SOX5: variants seen among roughly 807,000 people sequenced by gnomAD.
The protein encoded by SOX5 is SRY-box transcription factor 5.
Under a neutral mutation model 92.0 loss-of-function variants are expected in SOX5, and 9 were observed. The observed-to-expected ratio is 0.10, with a 90% CI of 0.06 to 0.17. The LOEUF (loss-of-function observed/expected upper bound fraction) is 0.17, where lower values mean the gene tolerates loss of function less well. Among genes scored for constraint, SOX5 ranks in the 10% least tolerant of loss-of-function variants. SOX5 has a pLI of 1.00. For missense variants in SOX5, 642 were observed against 944.5 expected, an observed-to-expected ratio of 0.68 and a Z score of 4.20; for synonymous variants, 344 against 336.3, an observed-to-expected ratio of 1.02 and a Z score of -0.25.
At chr12:24,405,962 G>A (rs1962846839) in intron 1 of SOX5, among the ~76,000 whole-genome samples, 2 of 152,192 alleles carry the variant, frequency 1.3e-5, no homozygotes, top group South Asian at 2.1e-4. Flanking sequence ...GGTCTTTAGA[G>A]AGGCTTCAGA....
intron 4 of SOX5, among the ~76,000 whole-genome samples, chr12:24,000,545 T>C (rs1951500160): frequency 6.6e-6 from 1 of 152,104 alleles, no homozygotes; most frequent in Admixed American, 6.6e-5. Context: ...AATAATTAAC[T>C]GTGTTTGTGT....
intron 2 of SOX5, among the ~76,000 whole-genome samples, chr12:24,287,156 C>A (rs1945972375): frequency 6.6e-6 from 1 of 152,092 alleles, no homozygotes; most frequent in South Asian, 2.1e-4. Flanking sequence ...AAGACTGTTG[C>A]AATTCTGCAG....
At chr12:24,338,743 T>A (rs1168674890) in intron 2 of SOX5, among the ~76,000 whole-genome samples, 1 of 152,148 alleles carries the variant, frequency 6.6e-6, no homozygotes, top group Non-Finnish European at 1.5e-5. Flanking sequence ...ATAAATCTCA[T>A]GGGATCTGAT....
intron 8 of SOX5, among the ~76,000 whole-genome samples, chr12:23,617,183 A>G (rs2076669656): frequency 6.6e-6 from 1 of 151,838 alleles, no homozygotes; most frequent in South Asian, 2.1e-4. Flanking sequence ...TCAGGGGAAA[A>G]ATGTTACCAA....
chr12:24,128,687 A>G (rs1949351201), intron 4 of SOX5, among the ~76,000 whole-genome samples: 1 of 152,186 alleles, frequency 6.6e-6, no homozygotes, highest in Admixed American at 6.6e-5. Context: ...CAGAAGCCAC[A>G]ACCCGCAGGG....
At chr12:24,095,141 AGAGAG>A (rs1569540853) in intron 4 of SOX5, among the ~76,000 whole-genome samples, 8 of 149,930 alleles carry the variant, frequency 5.3e-5, no homozygotes, top group East Asian at 1.9e-4. Flanking sequence ...AGAGAGAGAG[AGAGAG>A]AGAGAGAGAG....
chr12:24,101,174 T>C (rs1435263400), intron 4 of SOX5, among the ~76,000 whole-genome samples: 1 of 152,146 alleles, frequency 6.6e-6, no homozygotes, highest in Non-Finnish European at 1.5e-5. Context: ...ACCAAGTCTT[T>C]CCTTGATTTG....
intron 4 of SOX5, among the ~76,000 whole-genome samples, chr12:23,969,359 C>T (rs997966579): frequency 1.3e-4 from 19 of 151,868 alleles, no homozygotes; most frequent in Non-Finnish European, 1.8e-4. Flanking sequence ...GACCAATGTT[C>T]GTCAGACAAA....
At chr12:23,805,932 T>A (rs1463573195) in intron 3 of SOX5, among the ~76,000 whole-genome samples, 1 of 152,226 alleles carries the variant, frequency 6.6e-6, no homozygotes, top group African/African-American at 2.4e-5. Context: ...TGTTCATTAC[T>A]CTTCTAGGGG....
In SOX5 at chr12:23,794,648, TAAG is replaced by T. The variant is rs1594508610; in HGVS notation, c.482-38927_482-38925del. ...TACAGATGATACTTCATGTTCCTTGTAAGAAGAACGTTTAAAAACTATTTCTGT... is the reference window on the plus strand; with the variant it reads ...TACAGATGATACTTCATGTTCCTTGTAAGAACGTTTAAAAACTATTTCTGT... On this transcript the variant is annotated intron_variant, in intron 3 of 14. Coordinates refer to ENST00000451604, the MANE Select transcript of SOX5 (RefSeq NM_006940.6). Among the ~76,000 whole-genome samples, 4 of 152,302 alleles carry T rather than the reference TAAG, an allele frequency of 2.6e-5. No homozygotes were observed. In the East Asian group the frequency reaches 7.7e-4, roughly 29 times the overall value.
chr12:23,737,503 G>A (rs2093646480), intron 5 of SOX5, among the ~76,000 whole-genome samples: 1 of 152,066 alleles, frequency 6.6e-6, no homozygotes, highest in Non-Finnish European at 1.5e-5. Context: ...TCACGCCATT[G>A]CACTCCAGCC....
At chr12:23,918,972 C>T (rs890637549) in intron 1 of SOX5, among the ~76,000 whole-genome samples, 3 of 150,800 alleles carry the variant, frequency 2.0e-5, no homozygotes, top group Admixed American at 6.6e-5. Context: ...TTCCATTTTA[C>T]CCCAAACAGC....
intron 2 of SOX5, among the ~76,000 whole-genome samples, chr12:24,309,749 C>A (rs574992230): frequency 6.6e-6 from 1 of 152,202 alleles, no homozygotes; most frequent in East Asian, 1.9e-4. Context: ...TACAAAGTAA[C>A]AGGAAAACTG....
At chr12:24,014,139 A>G (rs1421499680) in intron 4 of SOX5, among the ~76,000 whole-genome samples, 2 of 152,202 alleles carry the variant, frequency 1.3e-5, no homozygotes, top group African/African-American at 4.8e-5. Context: ...AGAACTGATG[A>G]GGAGATGAAG....
At chr12:23,724,046 A>T (rs1277844194) in intron 6 of SOX5, among the ~76,000 whole-genome samples, 1 of 152,196 alleles carries the variant, frequency 6.6e-6, no homozygotes, top group Non-Finnish European at 1.5e-5. Context: ...TTATAAAAGG[A>T]CAATCTCTTA....
intron 4 of SOX5, among the ~76,000 whole-genome samples, chr12:24,172,720 C>A (rs1246345024): frequency 6.6e-6 from 1 of 152,064 alleles, no homozygotes; most frequent in African/African-American, 2.4e-5. Flanking sequence ...AAGTTACTGT[C>A]CCCACTGTGA....
chr12:24,205,287 T>C (rs1265733374), intron 4 of SOX5, among the ~76,000 whole-genome samples: 1 of 152,198 alleles, frequency 6.6e-6, no homozygotes, highest in Non-Finnish European at 1.5e-5. Flanking sequence ...TGTTCAACAT[T>C]GTGCTTTCCC....
chr12:24,007,878 T>G (rs998058462), intron 4 of SOX5, among the ~76,000 whole-genome samples: 1 of 150,706 alleles, frequency 6.6e-6, no homozygotes, highest in Non-Finnish European at 1.5e-5. Context: ...AGGGGTTACT[T>G]AAGTCCTTAA....
intron 1 of SOX5, among the ~76,000 whole-genome samples, chr12:24,556,120 A>C (rs1367419663): frequency 2.0e-5 from 3 of 152,178 alleles, no homozygotes; most frequent in Non-Finnish European, 4.4e-5. Flanking sequence ...CTCTCCTTGC[A>C]TAAGTGTCAA....
Sources: gnomAD v4.1 joint callset for allele counts (sites outside exome capture counted in the v4.1 genomes callset) on GRCh38, gnomAD v4.1.1 for gene constraint, MANE v1.5 for transcripts, NCBI Gene and HGNC (gene_info 2026-07-23, HGNC 2026-07-21) for gene names.